PRKAG2: variants seen among roughly 807,000 people sequenced by gnomAD.
PRKAG2 encodes 5'-AMP-activated protein kinase subunit gamma-2.
In PRKAG2, 26 loss-of-function variants were observed where a neutral mutation model predicts 69.6. The ratio of observed to expected loss-of-function variants is 0.37; its 90% confidence interval spans 0.27 to 0.52. The LOEUF is 0.52. Among genes scored for constraint, PRKAG2 ranks in the 20% least tolerant of loss-of-function variants. The pLI is 0.90. For synonymous variants in PRKAG2, 293 were observed against 285.0 expected, an observed-to-expected ratio of 1.03 and a Z score of -0.28; for missense variants, 557 against 740.0, an observed-to-expected ratio of 0.75 and a Z score of 2.87.
chr7:151,717,266 A>G (rs1796336991), intron 3 of PRKAG2, among the ~76,000 whole-genome samples: 1 of 150,896 alleles, frequency 6.6e-6, no homozygotes. Flanking sequence ...AAAAAAAAAA[A>G]AGAAGGAAAG....
intron 1 of PRKAG2, among the ~76,000 whole-genome samples, chr7:151,786,924 G>A (rs1366020313): frequency 6.6e-6 from 1 of 152,222 alleles, no homozygotes; most frequent in Non-Finnish European, 1.5e-5. Context: ...CCAGGGACAT[G>A]TGTCTGCCTA....
In PRKAG2 at chr7:151,586,773, C is replaced by T. The variant is rs568931911; in HGVS notation, c.864+8572G>A. Among the ~76,000 whole-genome samples the T allele has an allele frequency of 6.5e-4, 99 of 152,304 alleles. 1 individual carries two copies. The Middle Eastern group carries it at 0.02, about 31-fold the overall frequency. Reference sequence around the variant, plus strand: ...TAGGACCGGGGCTTCTCTTTCCTTCCTGCTTTTAAAATAATCAAGCGCCCC... The same window carrying T: ...TAGGACCGGGGCTTCTCTTTCCTTCTTGCTTTTAAAATAATCAAGCGCCCC... On this transcript the variant is annotated intron_variant, in intron 6 of 15. Coordinates refer to ENST00000287878, the MANE Select transcript of PRKAG2 (RefSeq NM_016203.4).
chr7:151,662,776 G>A (rs1477435152), intron 4 of PRKAG2, among the ~76,000 whole-genome samples: 1 of 152,096 alleles, frequency 6.6e-6, no homozygotes, highest in Non-Finnish European at 1.5e-5. Context: ...GGTGGTGTGT[G>A]CTGGTAATCC....
intron 12 of PRKAG2, 25 bp from the exon 13 acceptor site, chr7:151,565,408 A>G (rs772641721): frequency 4.5e-6 from 6 of 1,322,814 alleles, no homozygotes; most frequent in Non-Finnish European, 6.3e-6. Context: ...TATATGTTAG[A>G]AAAATGTCTT....
At chr7:151,676,930 G>A (rs1392250516) in intron 3 of PRKAG2, among the ~76,000 whole-genome samples, 4 of 152,204 alleles carry the variant, frequency 2.6e-5, no homozygotes, top group South Asian at 2.1e-4. Flanking sequence ...CAGCCAAGGC[G>A]CGATGGGGAT....
At chr7:151,615,330 A>C (rs989515898) in intron 5 of PRKAG2, among the ~76,000 whole-genome samples, 2 of 152,242 alleles carry the variant, frequency 1.3e-5, no homozygotes, top group South Asian at 4.1e-4. Context: ...TAGTGCTGCA[A>C]TGGACATACA....
rs552679325 is a variant in PRKAG2, at chr7:151,745,809, T to A, written c.466+35343A>T. Among the ~76,000 whole-genome samples, 68 of 152,238 alleles carry A rather than the reference T, an allele frequency of 4.5e-4. 2 individuals are homozygous for A. In the South Asian group the frequency reaches 0.014, roughly 31 times the overall value. ...ATCTCCTTAAAATCTGGAAGGGGCA[T>A]CGCATTCCCCCATGGAGGGCTCGGT... is the stretch of plus-strand genomic sequence containing the variant. On this transcript the variant is annotated intron_variant, in intron 3 of 15. Coordinates refer to ENST00000287878, the MANE Select transcript of PRKAG2 (RefSeq NM_016203.4).
At position 151,780,528 on chromosome 7, in the gene PRKAG2, C is replaced by T. The variant is rs997139618; in HGVS notation, c.466+624G>A. Among the ~76,000 whole-genome samples the T allele has an allele frequency of 2.6e-5, 4 of 152,198 alleles. No individual in the cohort carries two copies. Among genetic ancestry groups the T allele is most frequent in the South Asian group, 2.1e-4 (1 of 4,834 alleles). On this transcript the variant is annotated intron_variant, in intron 3 of 15. Coordinates refer to ENST00000287878, the MANE Select transcript of PRKAG2 (RefSeq NM_016203.4). This position sits in a 1 kb window ranked among gnomAD's most constrained non-coding sequence, Gnocchi z 4.2. ...GTGGTATATTTCATATTATCATCGA[C>T]GGCGCTCAAATGAAAATACCTTATC...
At chr7:151,698,355 C>G (rs1352328674) in intron 3 of PRKAG2, among the ~76,000 whole-genome samples, 1 of 152,152 alleles carries the variant, frequency 6.6e-6, no homozygotes, top group Non-Finnish European at 1.5e-5. Context: ...CTCGCCTGTG[C>G]TTCCTGGGAT....
At chr7:151,653,250 G>C (rs1367085858) in intron 4 of PRKAG2, among the ~76,000 whole-genome samples, 4 of 151,808 alleles carry the variant, frequency 2.6e-5, no homozygotes, top group Non-Finnish European at 5.9e-5. Flanking sequence ...CATTAAATTT[G>C]CTTGTTAAAA....
In PRKAG2 at chr7:151,674,490, C is replaced by A. The variant is rs78053178; in HGVS notation, c.684+930G>T. 3.3e-5 allele frequency among the ~76,000 whole-genome samples: 5 copies of A among 152,202 alleles called. No homozygotes were observed. The East Asian group carries it at 9.6e-4, about 29-fold the overall frequency. On this transcript the variant is annotated intron_variant, in intron 4 of 15. Coordinates refer to ENST00000287878, the MANE Select transcript of PRKAG2 (RefSeq NM_016203.4). Reference sequence around the variant, plus strand: ...GTGGCTCTCACAGTGTCGCTGGGCACGGGAATAATACTGGGTACCTGCGGT... The same window carrying A: ...GTGGCTCTCACAGTGTCGCTGGGCAAGGGAATAATACTGGGTACCTGCGGT...
At chr7:151,714,807 A>T (rs1188891104) in intron 3 of PRKAG2, among the ~76,000 whole-genome samples, 2 of 151,126 alleles carry the variant, frequency 1.3e-5, no homozygotes, top group Non-Finnish European at 2.9e-5. Context: ...AAAATCAGCC[A>T]GGTGTGATGG....
chr7:151,865,555 A>T (rs1292485496), intron 1 of PRKAG2, among the ~76,000 whole-genome samples: 1 of 152,244 alleles, frequency 6.6e-6, no homozygotes, highest in Non-Finnish European at 1.5e-5. Context: ...CCTGGCACAC[A>T]ACAGGCTGCG....
intron 3 of PRKAG2, among the ~76,000 whole-genome samples, chr7:151,715,387 G>A (rs1383377874): frequency 6.9e-6 from 1 of 143,892 alleles, no homozygotes; most frequent in Non-Finnish European, 1.5e-5. Flanking sequence ...CCTGTCTGTT[G>A]CCCAGGCTGG....
intron 6 of PRKAG2, among the ~76,000 whole-genome samples, chr7:151,586,630 C>A (rs1476691108): frequency 1.3e-5 from 2 of 152,202 alleles, no homozygotes; most frequent in Admixed American, 1.3e-4. Flanking sequence ...CCTCGAATCA[C>A]TATTACTTTA....
At chr7:151,767,681 C>T (rs1330262140) in intron 3 of PRKAG2, among the ~76,000 whole-genome samples, 1 of 152,266 alleles carries the variant, frequency 6.6e-6, no homozygotes, top group Non-Finnish European at 1.5e-5. Flanking sequence ...GTCATCCACA[C>T]TCGCTTAGAT....
intron 1 of PRKAG2, among the ~76,000 whole-genome samples, chr7:151,795,846 CATATATATATATAT>C (rs55657994): frequency 0.011 from 611 of 56,792 alleles, 12 homozygotes; most frequent in South Asian, 0.018. Flanking sequence ...AAACAAATCT[CATATATATATATAT>C]ATATATATAT....
In PRKAG2 at chr7:151,688,051, C is replaced by CCCCCT. The variant is rs1554539800; in HGVS notation, c.467-12415_467-12414insAGGGG. ...AGGAGGAGGAAATGAGGCCCCCCCC[C>CCCCCT]GGGCTCCTTGCTGAGTCAGCATGGT... On this transcript the variant is annotated intron_variant, in intron 3 of 15. Coordinates refer to ENST00000287878, the MANE Select transcript of PRKAG2 (RefSeq NM_016203.4). 2.3e-3 allele frequency among the ~76,000 whole-genome samples: 342 copies of CCCCCT among 145,824 alleles called. 18 individuals carry two copies. Among genetic ancestry groups the CCCCCT allele is most frequent in the Middle Eastern group, 0.015 (4 of 274 alleles).
At chr7:151,571,662 C>T (rs1248841875) in intron 9 of PRKAG2, among the ~76,000 whole-genome samples, 2 of 152,202 alleles carry the variant, frequency 1.3e-5, no homozygotes, top group Non-Finnish European at 2.9e-5. Context: ...TGGTGTTACA[C>T]AATCACTGCA....
Sources: allele counts gnomAD v4.1 joint callset (sites outside exome capture counted in the v4.1 genomes callset), GRCh38; gene constraint gnomAD v4.1.1; non-coding constraint Gnocchi (gnomAD v3.1); transcripts MANE v1.5; gene names NCBI Gene and HGNC (gene_info 2026-07-23, HGNC 2026-07-21).